Variants in EYA1 observed in about 807,000 individuals in gnomAD.
The protein encoded by EYA1 is protein phosphatase EYA1.
Under a neutral mutation model 82.0 loss-of-function variants are expected in EYA1, and 16 were observed. The ratio of observed to expected loss-of-function variants is 0.20; its 90% CI spans 0.13 to 0.30. The LOEUF is 0.30. Ranked by LOEUF, EYA1 falls within the 10% of genes least tolerant of loss-of-function variation. EYA1 has a pLI of 1.00. For synonymous variants in EYA1, 261 were observed against 264.4 expected, an observed-to-expected ratio of 0.99 and a Z score of 0.12; for missense variants, 633 against 730.7, an observed-to-expected ratio of 0.87 and a Z score of 1.54.
At chr8:71,507,707 A>G (rs746537705) in intron 2 of EYA1, among the ~76,000 whole-genome samples, 27 of 152,244 alleles carry the variant, frequency 1.8e-4, no homozygotes, top group South Asian at 4.1e-4. Context: ...ATCCACTAAT[A>G]TGGAATGACC....
intron 17 of EYA1, among the ~76,000 whole-genome samples, chr8:71,199,643 G>A (rs926291289): frequency 1.5e-5 from 2 of 135,772 alleles, no homozygotes; most frequent in Admixed American, 7.3e-5. Context: ...TTTCTTTGAA[G>A]AAGGGGATGG....
chr8:71,460,757 A>G (rs949298673), intron 2 of EYA1, among the ~76,000 whole-genome samples: 1 of 152,166 alleles, frequency 6.6e-6, no homozygotes. Flanking sequence ...CTGCCATAGG[A>G]CTGTCCCAGA....
chr8:71,378,387 T>C (rs982958715), intron 2 of EYA1, among the ~76,000 whole-genome samples: 15 of 152,152 alleles, frequency 9.9e-5, no homozygotes, highest in Admixed American at 5.9e-4. Flanking sequence ...TAAGAAGTGG[T>C]AACCATAAGA....
At chr8:71,227,005 G>A (rs538609727) in intron 12 of EYA1, among the ~76,000 whole-genome samples, 2 of 152,080 alleles carry the variant, frequency 1.3e-5, no homozygotes, top group East Asian at 1.9e-4. Flanking sequence ...CAATGCATTA[G>A]TGTTTGCTGA....
At chr8:71,467,273 T>C (rs1399264442) in intron 2 of EYA1, among the ~76,000 whole-genome samples, 1 of 152,130 alleles carries the variant, frequency 6.6e-6, no homozygotes, top group Non-Finnish European at 1.5e-5. Context: ...GGGTCCAACA[T>C]TTTAAAATAT....
intron 2 of EYA1, among the ~76,000 whole-genome samples, chr8:71,422,108 T>C (rs1236230801): frequency 6.6e-6 from 1 of 152,254 alleles, no homozygotes; most frequent in African/African-American, 2.4e-5. Context: ...TAATTCTGAA[T>C]CTGGAACTCT....
intron 12 of EYA1, among the ~76,000 whole-genome samples, chr8:71,229,945 G>A (rs963500814): frequency 7.9e-5 from 12 of 152,166 alleles, no homozygotes; most frequent in South Asian, 2.1e-4. Flanking sequence ...TACCCCGACC[G>A]TCCACCTGCC....
intron 2 of EYA1, among the ~76,000 whole-genome samples, chr8:71,506,179 T>C (rs186305888): frequency 3.9e-4 from 60 of 152,310 alleles, no homozygotes; most frequent in African/African-American, 1.4e-3. Context: ...TACTAAAATG[T>C]AGAGAACAAA....
intron 1 of EYA1, among the ~76,000 whole-genome samples, chr8:71,542,903 G>T (rs185749495): frequency 4.9e-4 from 74 of 151,872 alleles, no homozygotes; most frequent in African/African-American, 1.2e-3. Flanking sequence ...TTTTAATGGG[G>T]TTTTTTTTCT....
intron 2 of EYA1, among the ~76,000 whole-genome samples, chr8:71,419,684 T>A (rs1348968534): frequency 6.6e-6 from 1 of 152,172 alleles, no homozygotes; most frequent in Admixed American, 6.5e-5. Flanking sequence ...TAAAGTTTTT[T>A]AAATTAGCAT....
chr8:71,214,190 ACCCCTT>A (rs1392007021), intron 16 of EYA1, among the ~76,000 whole-genome samples: 1 of 151,918 alleles, frequency 6.6e-6, no homozygotes, highest in Admixed American at 6.6e-5. Flanking sequence ...GAATGCTCAT[ACCCCTT>A]CCCCTGGACT....
intron 9 of EYA1, among the ~76,000 whole-genome samples, chr8:71,279,110 C>G (rs1281383027): frequency 6.6e-6 from 1 of 152,184 alleles, no homozygotes; most frequent in Non-Finnish European, 1.5e-5. Flanking sequence ...ACACAAAGTG[C>G]AGAGCTTTTC....
chr8:71,386,397 A>G (rs1828966649), intron 2 of EYA1, among the ~76,000 whole-genome samples: 1 of 152,206 alleles, frequency 6.6e-6, no homozygotes, highest in South Asian at 2.1e-4. Flanking sequence ...CTGTGGATTC[A>G]TTGTTGCTGG....
chr8:71,254,844 G>T (rs375571702), intron 11 of EYA1, among the ~76,000 whole-genome samples: 53 of 84,014 alleles, frequency 6.3e-4, no homozygotes, highest in African/African-American at 2.2e-3. Flanking sequence ...CCCCCACCCC[G>T]CCCCCCACCA....
Position 71,315,347 on chromosome 8 carries a change from C to T in EYA1, c.556+2205G>A, listed in dbSNP as rs114038412. On this transcript the variant is annotated intron_variant, in intron 7 of 17. Transcript: ENST00000340726. ...GTACTTAGCTTTAGCTTTTGGTGGA[C>T]GGGTAATGGCAAGGCTGTGGATGGG... Among the ~76,000 whole-genome samples the T allele has an allele frequency of 5.2e-3, 785 of 152,294 alleles. 4 individuals are homozygous for T. Among genetic ancestry groups the T allele is most frequent in the African/African-American group, 0.018 (750 of 41,572 alleles).
At chr8:71,251,818 G>A (rs1272177644) in intron 11 of EYA1, among the ~76,000 whole-genome samples, 1 of 125,172 alleles carries the variant, frequency 8.0e-6, no homozygotes, top group Non-Finnish European at 1.6e-5. Flanking sequence ...CCACTACCTT[G>A]AATTGTTTAT....
intron 7 of EYA1, among the ~76,000 whole-genome samples, chr8:71,310,098 A>G (rs1428519881): frequency 6.6e-6 from 1 of 152,142 alleles, no homozygotes; most frequent in Non-Finnish European, 1.5e-5. Flanking sequence ...CTATACCATT[A>G]TTGATATTCT....
chr8:71,362,283 TTA>T, upstream of EYA1: 1 of 804,192 alleles, frequency 1.2e-6, no homozygotes, highest in Non-Finnish European at 1.4e-6. Flanking sequence ...ACCTTGCTGT[TTA>T]AAAAAAAAAA....
intron 2 of EYA1, among the ~76,000 whole-genome samples, chr8:71,442,532 G>A (rs888559173): frequency 6.6e-6 from 1 of 152,178 alleles, no homozygotes; most frequent in African/African-American, 2.4e-5. Flanking sequence ...ATAATATAAT[G>A]TGGGTCAATT....
Sources: gnomAD v4.1 joint callset for allele counts (sites outside exome capture counted in the v4.1 genomes callset) on GRCh38, gnomAD v4.1.1 for gene constraint, MANE v1.5 for transcripts, NCBI Gene and HGNC (gene_info 2026-07-23, HGNC 2026-07-21) for gene names.